SCNN1G: variants seen among roughly 807,000 people sequenced by gnomAD.
SCNN1G encodes the protein epithelial sodium channel subunit gamma.
Under a neutral mutation model 64.6 loss-of-function variants are expected in SCNN1G, and 27 were observed. The observed-to-expected ratio is 0.42, with a 90% confidence interval of 0.31 to 0.58. The LOEUF (loss-of-function observed/expected upper bound fraction) is 0.58, where lower values mean the gene tolerates loss of function less well. SCNN1G is among the 20% of genes least tolerant of loss of function. The pLI is 0.18. For missense variants in SCNN1G, 743 were observed against 823.4 expected (o/e 0.90, Z 1.19); for synonymous variants, 330 against 314.2 (o/e 1.05, Z -0.53).
chr16:23,194,809 A>G, intron 5 of SCNN1G: 1 of 174,710 alleles, frequency 5.7e-6, no homozygotes, highest in Admixed American at 5.4e-5. Context: ...GACTTAGAAT[A>G]AGACCTGCTC....
chr16:23,209,996 G>A lies in SCNN1G; in HGVS notation c.1176+148G>A, dbSNP rs981602711. On this transcript the variant is annotated intron_variant, in intron 7 of 12. Transcript: ENST00000300061. ...AGAGACCTCAAGAACAAATGATGCCGGCTGGTTCCAGTCCTCTGCAGTTCG... is the reference window on the plus strand; with the variant it reads ...AGAGACCTCAAGAACAAATGATGCCAGCTGGTTCCAGTCCTCTGCAGTTCG... 36 of 705,964 alleles carry A rather than the reference G, an allele frequency of 5.1e-5. 1 individual carries two copies. The East Asian group carries it at 6.7e-4, about 13-fold the overall frequency. The allele number at this position is 705,964 out of a possible 1,614,324, so 43.7% of individuals were successfully genotyped here. A position where few individuals can be genotyped will look rare whatever the true frequency, so the allele number is the denominator to read the frequency against.
At chr16:23,195,874 A>G (rs1420110821) in intron 5 of SCNN1G, 1 of 152,178 alleles carries the variant, frequency 6.6e-6, no homozygotes, top group Non-Finnish European at 1.5e-5. Context: ...AACTCTCAAA[A>G]TTCTCTTCTT....
At position 23,212,147 on chromosome 16, in the gene SCNN1G, C is replaced by G. The variant is rs746348878; in HGVS notation, c.1290C>G (p.Asn430Lys). 3.1e-6 allele frequency: 5 copies of G among 1,607,032 alleles called. No individual in the cohort carries two copies. Among genetic ancestry groups the G allele is most frequent in the Non-Finnish European group, 4.3e-6 (5 of 1,173,802 alleles). Reference sequence around the variant, plus strand: ...ACTGCAACTACCAGCAGCACCCCAACTGGAGTGAGTGAGACCCAGCTCCAG... The same window carrying G: ...ACTGCAACTACCAGCAGCACCCCAAGTGGAGTGAGTGAGACCCAGCTCCAG... ...ANYCNYQQHP[N>K]WMYCYYQLHR... Residue 430 changes from asparagine (N) to lysine (K), a missense_variant, in exon 8 of 13, where the codon AAC (asparagine) becomes AAG (lysine). Asn to Lys is a moderately conservative substitution (Grantham distance 94, BLOSUM62 0). Coordinates refer to ENST00000300061, the MANE Select transcript of SCNN1G (RefSeq NM_001039.4).
intron 2 of SCNN1G, among the ~76,000 whole-genome samples, chr16:23,188,192 T>A (rs1025576608): frequency 6.6e-6 from 1 of 152,172 alleles, no homozygotes; most frequent in African/African-American, 2.4e-5. Context: ...AGGAATAAAG[T>A]CTTAATAAAT....
At chr16:23,183,604 T>C (rs986502941) in intron 1 of SCNN1G, among the ~76,000 whole-genome samples, 12 of 152,116 alleles carry the variant, frequency 7.9e-5, no homozygotes, top group Admixed American at 2.0e-4. Context: ...ATCCTTCAAA[T>C]CCTTTCTACC....
intron 6 of SCNN1G, among the ~76,000 whole-genome samples, chr16:23,205,746 G>A (rs1467959156): frequency 6.7e-6 from 1 of 150,362 alleles, no homozygotes; most frequent in Non-Finnish European, 1.5e-5. Flanking sequence ...ACAGGTTCAA[G>A]AAGAAAACCA....
Position 23,192,499 on chromosome 16 carries a change from C to G in SCNN1G, c.766C>G (p.Leu256Val), listed in dbSNP as rs1380389604. The G allele has an allele frequency of 2.5e-6, 4 of 1,612,854 alleles. No homozygotes were observed. In the South Asian group the frequency reaches 3.3e-5, roughly 13 times the overall value. ...CAACATGAGCTATTCTGCTGAGGAG[C>G]TGCTGGTGACCTGCTTCTTTGATGG... is the stretch of plus-strand genomic sequence containing the variant. ...KINMSYSAEE[L>V]LVTCFFDGVS... Residue 256 changes from leucine (L) to valine (V), a missense_variant, in exon 4 of 13, where the codon CTG (leucine) becomes GTG (valine). Coordinates refer to ENST00000300061, the MANE Select transcript of SCNN1G (RefSeq NM_001039.4).
rs146028926 is a variant in SCNN1G at position 23,202,744 on chromosome 16, A to T, written c.1077+5317A>T. On this transcript the variant is annotated intron_variant, in intron 6 of 12. Coordinates refer to ENST00000300061, the MANE Select transcript of SCNN1G (RefSeq NM_001039.4). ...CAGGACTTGACAGCCAATGTTAGCC[A>T]GAAGGGCCGGGGGAAGTTAGATTGA... Among the ~76,000 whole-genome samples, 118 of 152,328 alleles carry T rather than the reference A, an allele frequency of 7.7e-4. 1 individual carries two copies. The East Asian group carries it at 0.018, about 23-fold the overall frequency.
At chr16:23,187,937 G>T (rs916676055) in intron 2 of SCNN1G, among the ~76,000 whole-genome samples, 2 of 152,154 alleles carry the variant, frequency 1.3e-5, no homozygotes, top group Non-Finnish European at 2.9e-5. Flanking sequence ...GTGAGTTGGT[G>T]CAAAGCTCAA....
Position 23,206,568 on chromosome 16 carries a change from T to C in SCNN1G, c.1078-3182T>C, listed in dbSNP as rs938712334. On this transcript the variant is annotated intron_variant, in intron 6 of 12. Coordinates refer to ENST00000300061, the MANE Select transcript of SCNN1G (RefSeq NM_001039.4). ...AGGTCAAGGCTGCCATGAGCCATGA[T>C]TGCACCATTGCACTCCAGCCTGGGT... Among the ~76,000 whole-genome samples the C allele has an allele frequency of 1.1e-4, 16 of 152,222 alleles. No homozygotes were observed. The East Asian group carries it at 1.2e-3, about 11-fold the overall frequency.
At chr16:23,209,104 G>T (rs1322078541) in intron 6 of SCNN1G, among the ~76,000 whole-genome samples, 1 of 152,014 alleles carries the variant, frequency 6.6e-6, no homozygotes. Flanking sequence ...TTTCCTGTTT[G>T]CTCTACCCAA....
chr16:23,189,840 G>A (rs1419831401), intron 3 of SCNN1G, among the ~76,000 whole-genome samples, 169 bp downstream of exon 3: 2 of 152,188 alleles, frequency 1.3e-5, no homozygotes, highest in Non-Finnish European at 2.9e-5. Flanking sequence ...GGGAGGCCAA[G>A]GCGGGCGAAT....
intron 11 of SCNN1G, among the ~76,000 whole-genome samples, chr16:23,213,673 G>T (rs1037441103): frequency 2.0e-5 from 3 of 152,252 alleles, no homozygotes; most frequent in African/African-American, 7.2e-5. Context: ...TCCCTCATGC[G>T]CACTGCTGGG....
At chr16:23,214,919 C>G in intron 12 of SCNN1G, 132 bp downstream of exon 12, 1 of 1,091,934 alleles carries the variant, frequency 9.2e-7, no homozygotes, top group Non-Finnish European at 1.4e-6. Flanking sequence ...CTAGCCAGGT[C>G]TCAGGTCGGA....
chr16:23,204,330 T>TAC (rs1475386474), intron 6 of SCNN1G, among the ~76,000 whole-genome samples: 9 of 34,476 alleles, frequency 2.6e-4, no homozygotes, highest in Non-Finnish European at 4.2e-4. Context: ...TATATATATA[T>TAC]ATATAGAGAG....
At chr16:23,208,264 T>C (rs1253173684) in intron 6 of SCNN1G, among the ~76,000 whole-genome samples, 3 of 152,110 alleles carry the variant, frequency 2.0e-5, no homozygotes, top group Non-Finnish European at 4.4e-5. Context: ...GGAAGGTCCA[T>C]TGAGCCCGGG....
At chr16:23,183,423 C>T (rs1320907044) in intron 1 of SCNN1G, among the ~76,000 whole-genome samples, 2 of 152,178 alleles carry the variant, frequency 1.3e-5, no homozygotes, top group Non-Finnish European at 2.9e-5. Flanking sequence ...GGGCACTGAT[C>T]GGGAACTCTC....
chr16:23,191,717 C>A (rs573323712), intron 3 of SCNN1G, among the ~76,000 whole-genome samples: 1 of 152,322 alleles, frequency 6.6e-6, no homozygotes, highest in African/African-American at 2.4e-5. Context: ...TGAGCCACTG[C>A]AACCAGCCAA....
rs1471454819 is a variant in SCNN1G at position 23,216,858 on chromosome 16, T to A, written c.*1389T>A. On this transcript the variant is annotated 3_prime_UTR_variant, in exon 13 of 13. Coordinates refer to ENST00000300061, the MANE Select transcript of SCNN1G (RefSeq NM_001039.4). ...AGATTCGAATTCCAGTGTCTATAAA[T>A]AAAGTTTTATTGGTACACAGCCACA... The A allele has an allele frequency of 2.0e-5, 3 of 152,192 alleles. No homozygotes were observed. The highest frequency in any genetic ancestry group is 2.9e-5 in the Non-Finnish European group (2 of 68,038). 9.4% of individuals were successfully genotyped at this position (152,192 alleles called of 1,614,324 possible). A position where few individuals can be genotyped will look rare whatever the true frequency, so the allele number is the denominator to read the frequency against.
Sources: gnomAD v4.1 joint callset for allele counts (sites outside exome capture counted in the v4.1 genomes callset) on GRCh38, gnomAD v4.1.1 for gene constraint, MANE v1.5 for transcripts, NCBI Gene and HGNC (gene_info 2026-07-23, HGNC 2026-07-21) for gene names.